The following MAGI2 variants were observed in gnomAD, a reference collection of about 807,000 sequenced individuals.
MAGI2 encodes the protein membrane-associated guanylate kinase, WW and PDZ domain-containing protein 2.
In MAGI2, 35 loss-of-function variants were observed where a neutral mutation model predicts 133.3. The observed-to-expected ratio is 0.26, with a 90% CI of 0.20 to 0.35. MAGI2 has a LOEUF of 0.35. Among genes scored for constraint, MAGI2 ranks in the 10% least tolerant of loss-of-function variants. The pLI is 1.00. For missense variants in MAGI2, 1,636 were observed against 1,863.4 expected, an observed-to-expected ratio of 0.88 and a Z score of 2.25; for synonymous variants, 729 against 710.6, an observed-to-expected ratio of 1.03 and a Z score of -0.41.
chr7:79,352,952 C>T (rs1314047648), intron 1 of MAGI2, among the ~76,000 whole-genome samples: 1 of 152,042 alleles, frequency 6.6e-6, no homozygotes, highest in East Asian at 1.9e-4. Context: ...ATTTAGTATG[C>T]CAAGTGCCTT....
chr7:78,510,994 G>C (rs1275224002), intron 4 of MAGI2, among the ~76,000 whole-genome samples: 1 of 152,104 alleles, frequency 6.6e-6, no homozygotes, highest in African/African-American at 2.4e-5. Context: ...TGTTGGATGT[G>C]GTGGGGCTTA....
chr7:79,446,458 T>C (rs1250365237), intron 1 of MAGI2, among the ~76,000 whole-genome samples: 1 of 152,058 alleles, frequency 6.6e-6, no homozygotes, highest in African/African-American at 2.4e-5. Flanking sequence ...CAAACTGCCA[T>C]GGTTTTGACA....
chr7:78,935,896 C>T (rs1231162633), intron 2 of MAGI2, among the ~76,000 whole-genome samples: 1 of 152,012 alleles, frequency 6.6e-6, no homozygotes, highest in Admixed American at 6.6e-5. Flanking sequence ...CCAGAATTGC[C>T]CATTATTGCA....
At chr7:78,213,049 T>C (rs1787925490) in intron 10 of MAGI2, among the ~76,000 whole-genome samples, 3 of 152,212 alleles carry the variant, frequency 2.0e-5, no homozygotes, top group African/African-American at 4.8e-5. Context: ...TATTGGTAAG[T>C]CACCTTTCAT....
intron 2 of MAGI2, among the ~76,000 whole-genome samples, chr7:78,665,394 G>A (rs943189094): frequency 6.6e-6 from 1 of 152,124 alleles, no homozygotes; most frequent in Non-Finnish European, 1.5e-5. Flanking sequence ...ATCAAATGAA[G>A]CAGAGCAGAA....
In MAGI2 at chr7:79,282,044, G is replaced by A. The variant is rs1387666801; in HGVS notation, c.301+170976C>T. Among the ~76,000 whole-genome samples, 12 of 152,208 alleles carry A rather than the reference G, an allele frequency of 7.9e-5. No individual in the cohort carries two copies. The South Asian group carries it at 8.3e-4, about 11-fold the overall frequency. The stretch of plus-strand genomic sequence containing the variant: ...ATAGAAATTTAGAAATCTGTGTGAA[G>A]AAAAGGGATCAATGAAAAGATCTCT... On this transcript the variant is annotated intron_variant, in intron 1 of 21. Transcript: ENST00000354212.
chr7:78,600,108 TATCTCCATAAGTTTCA>T (rs1482229131), intron 3 of MAGI2, among the ~76,000 whole-genome samples: 1 of 152,212 alleles, frequency 6.6e-6, no homozygotes, highest in Non-Finnish European at 1.5e-5. Context: ...TTTTTGTAAA[TATCTCCATAAGTTTCA>T]AAAATGTGAT....
At chr7:78,652,108 A>G (rs1563299326) in intron 2 of MAGI2, among the ~76,000 whole-genome samples, 1 of 152,136 alleles carries the variant, frequency 6.6e-6, no homozygotes, top group Non-Finnish European at 1.5e-5. Context: ...TGTTCCAGGT[A>G]ATGGGGAGAT....
At chr7:79,081,563 G>A (rs893582035) in intron 1 of MAGI2, among the ~76,000 whole-genome samples, 20 of 152,118 alleles carry the variant, frequency 1.3e-4, no homozygotes, top group African/African-American at 4.1e-4. Flanking sequence ...AGTTGTAAAT[G>A]TGGGGCTCAG....
intron 2 of MAGI2, among the ~76,000 whole-genome samples, chr7:78,972,359 G>C (rs1398988762): frequency 2.6e-5 from 4 of 151,808 alleles, no homozygotes; most frequent in African/African-American, 9.7e-5. Flanking sequence ...TCTTAAATAT[G>C]CATAGTGAGC....
intron 3 of MAGI2, among the ~76,000 whole-genome samples, chr7:78,593,406 A>G (rs1804257409): frequency 6.6e-6 from 1 of 152,140 alleles, no homozygotes; most frequent in Non-Finnish European, 1.5e-5. Context: ...AAAAGCAATT[A>G]GAAACTACTG....
chr7:78,272,717 T>A (rs571825062), intron 9 of MAGI2, among the ~76,000 whole-genome samples: 1 of 151,932 alleles, frequency 6.6e-6, no homozygotes, highest in African/African-American at 2.4e-5. Context: ...TCTCTTTTGA[T>A]CTTTGTTGGT....
At chr7:78,314,193 C>T (rs866038331) in intron 9 of MAGI2, among the ~76,000 whole-genome samples, 1 of 151,988 alleles carries the variant, frequency 6.6e-6, no homozygotes, top group Admixed American at 6.6e-5. Context: ...CAGAAGAAGG[C>T]CTGGGTAGCT....
intron 5 of MAGI2, among the ~76,000 whole-genome samples, chr7:78,497,773 T>TGTCTGTCTGTCTGTCTATC (rs1794259068): frequency 6.6e-6 from 1 of 151,574 alleles, no homozygotes; most frequent in African/African-American, 2.4e-5. Flanking sequence ...TCTTTCTATC[T>TGTCTGTCTGTCTGTCTATC]TATACACAGA....
chr7:78,176,908 GACACACACACACACACACAC>G, intron 14 of MAGI2, among the ~76,000 whole-genome samples: 2 of 130,482 alleles, frequency 1.5e-5, no homozygotes, highest in East Asian at 4.5e-4. Context: ...ACCATATATA[GACACACACACACACACACAC>G]ACACACACAC....
intron 7 of MAGI2, among the ~76,000 whole-genome samples, chr7:78,348,155 C>T (rs1348474313): frequency 6.6e-6 from 1 of 152,196 alleles, no homozygotes; most frequent in Non-Finnish European, 1.5e-5. Context: ...ATCAGTGACC[C>T]TCTATCAGAC....
intron 9 of MAGI2, among the ~76,000 whole-genome samples, chr7:78,289,592 T>A (rs1088564): frequency 0.51 from 77,089 of 151,810 alleles, 21,890 homozygotes; most frequent in African/African-American, 0.75. Flanking sequence ...TTCAGGAAAT[T>A]CAGAGAACAC....
At chr7:78,054,526 G>C (rs1348043646) in intron 21 of MAGI2, among the ~76,000 whole-genome samples, 2 of 151,952 alleles carry the variant, frequency 1.3e-5, no homozygotes, top group African/African-American at 4.8e-5. Flanking sequence ...TCCTTCACAT[G>C]GGTGTGTGTA....
chr7:78,461,794 C>T (rs1325791274), intron 6 of MAGI2, among the ~76,000 whole-genome samples: 2 of 150,700 alleles, frequency 1.3e-5, no homozygotes, highest in Admixed American at 6.6e-5. Context: ...GCCTGTAATC[C>T]CAGCTACTCA....
Sources: allele counts gnomAD v4.1 joint callset (sites outside exome capture counted in the v4.1 genomes callset), GRCh38; gene constraint gnomAD v4.1.1; transcripts MANE v1.5; gene names NCBI Gene and HGNC (gene_info 2026-07-23, HGNC 2026-07-21).